The following PID1 variants were observed in gnomAD, a reference collection of about 807,000 sequenced individuals.
PID1 encodes the protein phosphotyrosine interaction domain containing 1, also known as PTB-containing, cubilin and LRP1-interacting protein.
In PID1, 10 loss-of-function variants were observed where a neutral mutation model predicts 19.1. The observed-to-expected ratio is 0.52, with a 90% confidence interval of 0.32 to 0.89. The LOEUF (loss-of-function observed/expected upper bound fraction) is 0.89, where lower values mean the gene tolerates loss of function less well. Among genes scored for constraint, PID1 ranks in the 40% least tolerant of loss-of-function variants. PID1 has a pLI of 0.03. For synonymous variants in PID1, 130 were observed against 116.0 expected (o/e 1.12, Z -0.78); for missense variants, 248 against 285.3 (o/e 0.87, Z 0.94).
chr2:229,066,714 C>T lies in PID1; in HGVS notation c.178-40606G>A, dbSNP rs144957652. Among the ~76,000 whole-genome samples, 120 of 151,826 alleles carry T rather than the reference C, an allele frequency of 7.9e-4. 1 individual carries two copies. In the East Asian group the frequency reaches 0.016, roughly 20 times the overall value. On this transcript the variant is annotated intron_variant, in intron 2 of 2. Coordinates refer to ENST00000392055, the MANE Select transcript of PID1 (RefSeq NM_001100818.2). ...GTTTCTATTTTGAGGACATAGCATA[C>T]GCGTGCTGAAGACTCCATTCTAGAT...
At chr2:229,242,443 CG>C (rs1325705617) in intron 1 of PID1, among the ~76,000 whole-genome samples, 1 of 150,944 alleles carries the variant, frequency 6.6e-6, no homozygotes, top group Admixed American at 6.7e-5. Context: ...TATGCTGCTT[CG>C]ACTGGTAAAA....
intron 2 of PID1, among the ~76,000 whole-genome samples, chr2:229,038,465 A>G (rs1405380161): frequency 6.6e-6 from 1 of 152,198 alleles, no homozygotes; most frequent in African/African-American, 2.4e-5. Flanking sequence ...CTATTTATAT[A>G]TAAATTTTGA....
chr2:229,234,418 T>C (rs1440285446), intron 1 of PID1, among the ~76,000 whole-genome samples: 2 of 152,110 alleles, frequency 1.3e-5, no homozygotes, highest in Non-Finnish European at 2.9e-5. Context: ...TGCCTTTGAA[T>C]ACAGAAAGGG....
intron 1 of PID1, among the ~76,000 whole-genome samples, chr2:229,223,904 C>A (rs1056570875): frequency 6.6e-6 from 1 of 152,148 alleles, no homozygotes; most frequent in Non-Finnish European, 1.5e-5. Context: ...AGTACCCAAT[C>A]GGTACTTTTT....
chr2:229,204,758 T>C (rs936410262), intron 1 of PID1, among the ~76,000 whole-genome samples: 5 of 152,112 alleles, frequency 3.3e-5, no homozygotes, highest in Non-Finnish European at 5.9e-5. Context: ...AGGACTGCTA[T>C]AAAGATCAAG....
At chr2:229,240,017 C>A (rs1181664495) in intron 1 of PID1, among the ~76,000 whole-genome samples, 1 of 152,032 alleles carries the variant, frequency 6.6e-6, no homozygotes, top group Admixed American at 6.6e-5. Context: ...AAGACTGAAC[C>A]ATTAGGCCTG....
intron 2 of PID1, among the ~76,000 whole-genome samples, chr2:229,135,408 C>T (rs772020267): frequency 2.8e-4 from 42 of 152,258 alleles, no homozygotes; most frequent in Non-Finnish European, 4.1e-4. Context: ...CCATAAATTG[C>T]ATAATTCCAT....
chr2:229,175,318 TCTGA>T (rs1390426859), intron 1 of PID1, among the ~76,000 whole-genome samples: 3 of 131,474 alleles, frequency 2.3e-5, no homozygotes, highest in African/African-American at 5.6e-5. Flanking sequence ...GTTCCCTGTT[TCTGA>T]CTATGTTCAA....
chr2:229,059,697 T>C (rs1694173610), intron 2 of PID1, among the ~76,000 whole-genome samples: 1 of 152,222 alleles, frequency 6.6e-6, no homozygotes, highest in African/African-American at 2.4e-5. Context: ...TGTGTTTACT[T>C]CTCATGAGAA....
chr2:229,145,132 G>A (rs1466485192), intron 2 of PID1, among the ~76,000 whole-genome samples: 1 of 121,866 alleles, frequency 8.2e-6, no homozygotes, highest in Non-Finnish European at 1.6e-5. Flanking sequence ...CATAACGAAT[G>A]CTGAGTTTAA....
intron 2 of PID1, among the ~76,000 whole-genome samples, chr2:229,102,451 G>A (rs1476399843): frequency 2.0e-5 from 3 of 152,128 alleles, no homozygotes; most frequent in Non-Finnish European, 4.4e-5. Context: ...TGATCAAGAG[G>A]AAGAACCATG....
chr2:229,119,024 T>C (rs1659329443), intron 2 of PID1, among the ~76,000 whole-genome samples: 1 of 152,214 alleles, frequency 6.6e-6, no homozygotes, highest in Non-Finnish European at 1.5e-5. Flanking sequence ...CATAATTTGT[T>C]GTCTGTACCT....
At chr2:229,139,423 A>G (rs186159643) in intron 2 of PID1, among the ~76,000 whole-genome samples, 4 of 152,270 alleles carry the variant, frequency 2.6e-5, no homozygotes, top group Admixed American at 2.6e-4. Context: ...ATTTTGCCCC[A>G]CCCACAGAAT....
At chr2:229,197,535 A>G (rs1691403186) in intron 1 of PID1, among the ~76,000 whole-genome samples, 1 of 152,010 alleles carries the variant, frequency 6.6e-6, no homozygotes, top group Admixed American at 6.6e-5. Context: ...TGAATCACAT[A>G]TTTCTTTTTT....
chr2:229,202,990 A>C (rs1225153245), intron 1 of PID1, among the ~76,000 whole-genome samples: 2 of 152,148 alleles, frequency 1.3e-5, no homozygotes. Flanking sequence ...TCAGATTTAG[A>C]AAACAGTTTC....
chr2:229,270,643 C>CA (rs368188721), intron 1 of PID1, among the ~76,000 whole-genome samples: 9 of 116,378 alleles, frequency 7.7e-5, no homozygotes, highest in African/African-American at 2.0e-4. Context: ...CTGGTGACCA[C>CA]AAAAAAAAAA....
chr2:229,080,531 T>A (rs1694649107), intron 2 of PID1, among the ~76,000 whole-genome samples: 1 of 152,102 alleles, frequency 6.6e-6, no homozygotes, highest in African/African-American at 2.4e-5. Flanking sequence ...CCAGGTGAAA[T>A]TAGGTGCTCT....
intron 2 of PID1, among the ~76,000 whole-genome samples, chr2:229,078,955 T>C (rs1694616352): frequency 6.6e-6 from 1 of 152,168 alleles, no homozygotes; most frequent in Non-Finnish European, 1.5e-5. Flanking sequence ...TAAGTGTAGG[T>C]TAGATAAAAA....
At chr2:229,034,705 C>T (rs1288200862) in intron 2 of PID1, among the ~76,000 whole-genome samples, 1 of 152,034 alleles carries the variant, frequency 6.6e-6, no homozygotes, top group Non-Finnish European at 1.5e-5. Context: ...ATTTTCAATA[C>T]TTCAAAAGGG....
Sources: allele counts gnomAD v4.1 joint callset (sites outside exome capture counted in the v4.1 genomes callset), GRCh38; gene constraint gnomAD v4.1.1; transcripts MANE v1.5; gene names NCBI Gene and HGNC (gene_info 2026-07-23, HGNC 2026-07-21).